CALD1: variants seen among roughly 807,000 people sequenced by gnomAD.
CALD1 encodes caldesmon.
CALD1 carries 33 observed loss-of-function variants against 99.9 expected under a neutral mutation model. The ratio of observed to expected loss-of-function variants is 0.33; its 90% CI spans 0.25 to 0.44. The LOEUF is 0.44. Ranked by LOEUF, CALD1 falls within the 20% of genes least tolerant of loss-of-function variation. The pLI, the probability that CALD1 is intolerant of heterozygous loss-of-function variation, is 1.00. For synonymous variants in CALD1, 310 were observed against 325.0 expected, an observed-to-expected ratio of 0.95 and a Z score of 0.50; for missense variants, 861 against 962.1, an observed-to-expected ratio of 0.89 and a Z score of 1.39.
intron 8 of CALD1, among the ~76,000 whole-genome samples, chr7:134,949,413 G>A (rs1017474225): frequency 6.6e-6 from 1 of 152,096 alleles, no homozygotes; most frequent in African/African-American, 2.4e-5. Flanking sequence ...CTTGATCAGA[G>A]CCCTGATAGA....
intron 3 of CALD1, among the ~76,000 whole-genome samples, chr7:134,896,537 T>C (rs1348021209): frequency 6.6e-6 from 1 of 152,182 alleles, no homozygotes; most frequent in East Asian, 1.9e-4. Context: ...CGAGCAGTGG[T>C]GATTATGGAG....
chr7:134,730,305 A>G, the CALD1 span, among the ~76,000 whole-genome samples: 2 of 151,340 alleles, frequency 1.3e-5, no homozygotes, highest in Admixed American at 1.3e-4. Flanking sequence ...ACATTAGAGG[A>G]TAAGTAAAGA....
intron 8 of CALD1, among the ~76,000 whole-genome samples, chr7:134,948,283 C>A (rs1181518031): frequency 6.8e-6 from 1 of 146,264 alleles, no homozygotes; most frequent in African/African-American, 2.5e-5. Flanking sequence ...GGGACAGTAT[C>A]TGCGTTGTTC....
intron 2 of CALD1, among the ~76,000 whole-genome samples, chr7:134,851,545 G>T (rs1409012691): frequency 6.6e-6 from 1 of 152,300 alleles, no homozygotes; most frequent in East Asian, 1.9e-4. Flanking sequence ...GCTAGGTTAT[G>T]CTGGTGTCAG....
intron 1 of CALD1, among the ~76,000 whole-genome samples, chr7:134,763,917 CA>C (rs34036528): frequency 0.25 from 26,178 of 103,304 alleles, 2,331 homozygotes; most frequent in Middle Eastern, 0.35. Context: ...GACTCCATCT[CA>C]AAAAAAAAAA....
At chr7:134,823,037 C>T (rs569858830) in intron 1 of CALD1, among the ~76,000 whole-genome samples, 5 of 152,110 alleles carry the variant, frequency 3.3e-5, no homozygotes, top group Non-Finnish European at 5.9e-5. Context: ...CCGTGGGTCA[C>T]CCTGCCCACC....
chr7:134,938,659 C>T (rs990386224), intron 6 of CALD1, among the ~76,000 whole-genome samples: 1 of 152,092 alleles, frequency 6.6e-6, no homozygotes, highest in African/African-American at 2.4e-5. Context: ...AATGTAAAGG[C>T]TCTACGGAAT....
chr7:134,912,494 C>T (rs1471382776), intron 3 of CALD1, among the ~76,000 whole-genome samples: 1 of 152,204 alleles, frequency 6.6e-6, no homozygotes, highest in Admixed American at 6.5e-5. Context: ...GAACGCAGAC[C>T]AGTGCGTCCT....
intron 3 of CALD1, among the ~76,000 whole-genome samples, chr7:134,921,672 C>T (rs997548933): frequency 1.3e-5 from 2 of 152,062 alleles, no homozygotes; most frequent in Non-Finnish European, 2.9e-5. Flanking sequence ...ATTAATTGGG[C>T]GTGGTGGCAG....
At chr7:134,749,029 T>C (rs1236578018) in intron 1 of CALD1, among the ~76,000 whole-genome samples, 1 of 152,198 alleles carries the variant, frequency 6.6e-6, no homozygotes, top group Non-Finnish European at 1.5e-5. Context: ...TGCCCTGAGT[T>C]TGGACTTCCC....
intron 1 of CALD1, among the ~76,000 whole-genome samples, chr7:134,796,217 C>T (rs1797738459): frequency 1.3e-5 from 2 of 152,190 alleles, no homozygotes; most frequent in South Asian, 2.1e-4. Flanking sequence ...ATGTCCACAG[C>T]TGATAATCTG....
intron 1 of CALD1, among the ~76,000 whole-genome samples, chr7:134,748,290 C>T (rs1023763000): frequency 1.3e-5 from 2 of 152,216 alleles, no homozygotes; most frequent in African/African-American, 2.4e-5. Flanking sequence ...ATAGTACCTG[C>T]GGTCTCACCC....
intron 5 of CALD1, 67 bp from the exon 6 acceptor site, chr7:134,935,620 TG>T (rs1805908721): frequency 1.3e-6 from 2 of 1,539,334 alleles, no homozygotes; most frequent in Non-Finnish European, 1.7e-6. Context: ...CCGAGCACCC[TG>T]TCACTCTTGT....
chr7:134,773,952 C>T (rs917988352), intron 1 of CALD1, among the ~76,000 whole-genome samples: 2 of 151,944 alleles, frequency 1.3e-5, no homozygotes, highest in Non-Finnish European at 2.9e-5. Flanking sequence ...AGGCGGATCA[C>T]GAGGTCAGGA....
At chr7:134,716,522 T>G in the CALD1 span, among the ~76,000 whole-genome samples, 1 of 152,188 alleles carries the variant, frequency 6.6e-6, no homozygotes, top group South Asian at 2.1e-4. Context: ...AAGAAGAAAC[T>G]TTTAGATGTT....
chr7:134,742,272 G>A (rs1032204978), upstream of CALD1, among the ~76,000 whole-genome samples: 2 of 152,178 alleles, frequency 1.3e-5, no homozygotes, highest in African/African-American at 4.8e-5. Context: ...AAAACTCAAA[G>A]TGACATTCAT....
At chr7:134,831,472 C>A (rs1451787640) in intron 1 of CALD1, among the ~76,000 whole-genome samples, 1 of 152,010 alleles carries the variant, frequency 6.6e-6, no homozygotes, top group Non-Finnish European at 1.5e-5. Flanking sequence ...GTGCCCACCA[C>A]AACGCCTGGC....
At chr7:134,804,612 CTT>C (rs889025141) in intron 1 of CALD1, among the ~76,000 whole-genome samples, 1 of 152,180 alleles carries the variant, frequency 6.6e-6, no homozygotes, top group Non-Finnish European at 1.5e-5. Context: ...TCTTTATACT[CTT>C]GTTTTGATGA....
intron 3 of CALD1, among the ~76,000 whole-genome samples, chr7:134,883,846 G>A (rs758330047): frequency 3.9e-5 from 6 of 152,102 alleles, no homozygotes; most frequent in African/African-American, 1.2e-4. Context: ...GGTGGCTCAC[G>A]CCTGTAATCC....
Sources: gnomAD v4.1 joint callset for allele counts (sites outside exome capture counted in the v4.1 genomes callset) on GRCh38, gnomAD v4.1.1 for gene constraint, MANE v1.5 for transcripts, NCBI Gene and HGNC (gene_info 2026-07-23, HGNC 2026-07-21) for gene names.